The following POP1 variants were observed in gnomAD, a reference collection of about 807,000 sequenced individuals.
The protein encoded by POP1 is ribonucleases P/MRP protein subunit POP1.
Under a neutral mutation model 102.2 loss-of-function variants are expected in POP1, and 75 were observed. The ratio of observed to expected loss-of-function variants is 0.73; its 90% CI spans 0.61 to 0.89. The LOEUF is 0.89. POP1 is among the 40% of genes least tolerant of loss of function. The pLI, the probability that POP1 is intolerant of heterozygous loss-of-function variation, is 0.00. For synonymous variants in POP1, 436 were observed against 464.1 expected, an observed-to-expected ratio of 0.94 and a Z score of 0.78; for missense variants, 1,116 against 1,267.4, an observed-to-expected ratio of 0.88 and a Z score of 1.81.
intron 2 of POP1, among the ~76,000 whole-genome samples, chr8:98,125,679 T>C (rs971395666): frequency 4.6e-5 from 7 of 152,152 alleles, no homozygotes; most frequent in African/African-American, 1.7e-4. Context: ...TAGCTGGGAC[T>C]ACAGTCACAT....
chr8:98,140,923 T>A (rs1456694645), intron 11 of POP1, 35 bp downstream of exon 11: 1 of 1,607,662 alleles, frequency 6.2e-7, no homozygotes, highest in South Asian at 1.1e-5. Context: ...TTTTCCTTAC[T>A]ATTTCGAGCA....
At chr8:98,128,688 G>A (rs998758601) in intron 4 of POP1, 148 bp downstream of exon 4, 9 of 914,464 alleles carry the variant, frequency 9.8e-6, no homozygotes, top group Admixed American at 8.4e-5. Context: ...AGAGGCTGAG[G>A]TGGTCAGATT....
chr8:98,135,550 G>T (rs1008943246), intron 7 of POP1, among the ~76,000 whole-genome samples: 44 of 151,914 alleles, frequency 2.9e-4, no homozygotes, highest in Non-Finnish European at 5.9e-5. Flanking sequence ...TGATCATGTT[G>T]TTTTCATAAT....
chr8:98,122,230 C>T (rs1816051441), intron 1 of POP1, among the ~76,000 whole-genome samples: 1 of 152,138 alleles, frequency 6.6e-6, no homozygotes, highest in Non-Finnish European at 1.5e-5. Context: ...GGGTAGTTTA[C>T]TAAGGAGTGT....
At chr8:98,135,575 A>G (rs1201493884) in intron 7 of POP1, among the ~76,000 whole-genome samples, 1 of 152,040 alleles carries the variant, frequency 6.6e-6, no homozygotes. Flanking sequence ...GACTAACCCT[A>G]CCCCTAGCCC....
intron 10 of POP1, 32 bp downstream of exon 10, chr8:98,140,221 G>C (rs542228305): frequency 1.3e-6 from 2 of 1,591,634 alleles, no homozygotes; most frequent in East Asian, 2.2e-5. Context: ...TTGTGTTGGG[G>C]AGGGAAGGGG....
At position 98,130,225 on chromosome 8, in the gene POP1, A is replaced by T. The variant is rs761289283; in HGVS notation, c.734A>T (p.Gln245Leu). ...GCCATGACGAACCGGTGCCTCCTGC[A>T]GGTGAGCTTTTCCAGTGGGCTTTTT... ...YRAMTNRCLL[Q>L]DLSYYCCLEL... Residue 245 changes from glutamine to leucine, a missense_variant and splice_region_variant, in exon 5 of 16, where the codon CAG (glutamine) becomes CTG (leucine). Coordinates refer to ENST00000401707, the MANE Select transcript of POP1 (RefSeq NM_001145860.2). 38 of 1,614,082 alleles carry T rather than the reference A, an allele frequency of 2.4e-5. No individual in the cohort carries two copies. The highest frequency in any genetic ancestry group is 1.6e-4 in the Middle Eastern group (1 of 6,084).
rs892854550 is a variant in POP1 at position 98,156,827 on chromosome 8, A to G, written c.2420+415A>G. ...AGCCAGAGAGGCTACCGGATACACT[A>G]TGTTCTCCTCTCAGTATTGGTGTGG... On this transcript the variant is annotated intron_variant, in intron 15 of 15. Coordinates refer to ENST00000401707, the MANE Select transcript of POP1 (RefSeq NM_001145860.2). Among the ~76,000 whole-genome samples the G allele has an allele frequency of 2.6e-5, 4 of 151,390 alleles. No individual in the cohort carries two copies. In the South Asian group the frequency reaches 6.3e-4, roughly 24 times the overall value.
At chr8:98,157,486 TA>T in intron 15 of POP1, 130 bp from the exon 16 acceptor site, 1 of 1,093,944 alleles carries the variant, frequency 9.1e-7, no homozygotes, top group Non-Finnish European at 1.3e-6. Flanking sequence ...TTCTAATTTT[TA>T]AAAAATTGTA....
chr8:98,148,595 T>C (rs1034153330), intron 12 of POP1, among the ~76,000 whole-genome samples: 5 of 152,226 alleles, frequency 3.3e-5, no homozygotes, highest in Non-Finnish European at 2.9e-5. Flanking sequence ...ATGAATGATA[T>C]AAGATAATTT....
At chr8:98,130,953 A>G (rs749826526) in intron 5 of POP1, among the ~76,000 whole-genome samples, 3 of 152,188 alleles carry the variant, frequency 2.0e-5, no homozygotes, top group African/African-American at 4.8e-5. Context: ...ATTTCTTCCA[A>G]TACATACTTA....
chr8:98,133,886 C>A, intron 5 of POP1, 63 bp from the exon 6 acceptor site: 1 of 1,240,996 alleles, frequency 8.1e-7, no homozygotes, highest in Non-Finnish European at 1.2e-6. Flanking sequence ...CGGCTTTTGG[C>A]TTCTTAGCAG....
chr8:98,154,584 G>T (rs377137920), intron 14 of POP1, among the ~76,000 whole-genome samples: 6 of 152,200 alleles, frequency 3.9e-5, no homozygotes, highest in African/African-American at 1.4e-4. Context: ...CATGCGAAGT[G>T]AGGGTGGGAA....
At chr8:98,127,522 A>G (rs1816243105) in intron 2 of POP1, 73 bp from the exon 3 acceptor site, 2 of 1,576,998 alleles carry the variant, frequency 1.3e-6, no homozygotes, top group Non-Finnish European at 8.7e-7. Context: ...GTTGCCACCC[A>G]ACAAATATTA....
At chr8:98,148,108 C>A (rs1007851371) in intron 12 of POP1, among the ~76,000 whole-genome samples, 4 of 152,016 alleles carry the variant, frequency 2.6e-5, no homozygotes, top group African/African-American at 9.7e-5. Flanking sequence ...GAGGAAAAGT[C>A]GGGGCTAAAG....
chr8:98,143,834 T>C lies in POP1; in HGVS notation c.1595-2734T>C, dbSNP rs1473664070. 2.6e-5 allele frequency among the ~76,000 whole-genome samples: 4 copies of C among 152,232 alleles called. No individual in the cohort carries two copies. The East Asian group carries it at 7.7e-4, about 29-fold the overall frequency. On this transcript the variant is annotated intron_variant, in intron 11 of 15. Coordinates refer to ENST00000401707, the MANE Select transcript of POP1 (RefSeq NM_001145860.2). Reference sequence around the variant, plus strand: ...TACATAGCCTTTTCAGATAGGCTTCTTTCACTTAGTAATATGCACTTAAAT... The same window carrying C: ...TACATAGCCTTTTCAGATAGGCTTCCTTCACTTAGTAATATGCACTTAAAT...
rs775547789 is a variant in POP1 at position 98,157,880 on chromosome 8, C to T, written c.2684C>T (p.Pro895Leu). The T allele has an allele frequency of 6.2e-7, 1 of 1,614,096 alleles. No homozygotes were observed. The highest frequency in any genetic ancestry group is 1.1e-5 in the South Asian group (1 of 91,090). Residue 895 changes from proline to leucine, a missense_variant, in exon 16 of 16, where the codon CCC becomes CTC. Coordinates refer to ENST00000401707, the MANE Select transcript of POP1 (RefSeq NM_001145860.2). ...CATGAGGACTGGCATTACTGTGGGC[C>T]CCAGGAATCCAAACACAGTGACCCA... Reference protein sequence around the residue: ...QLHEDWHYCGPQESKHSDPFR... With the variant: ...QLHEDWHYCGLQESKHSDPFR...
chr8:98,151,359 G>A (rs930661400), intron 14 of POP1, among the ~76,000 whole-genome samples: 4 of 152,220 alleles, frequency 2.6e-5, no homozygotes, highest in African/African-American at 9.6e-5. Flanking sequence ...AGGATTATAG[G>A]TGTGAGCCAC....
At chr8:98,124,137 A>C (rs1816122127) in intron 2 of POP1, among the ~76,000 whole-genome samples, 1 of 152,212 alleles carries the variant, frequency 6.6e-6, no homozygotes, top group Non-Finnish European at 1.5e-5. Context: ...AGGAAGCTCC[A>C]GCTCTCCTGG....
Sources: gnomAD v4.1 joint callset for allele counts (sites outside exome capture counted in the v4.1 genomes callset) on GRCh38, gnomAD v4.1.1 for gene constraint, MANE v1.5 for transcripts, NCBI Gene and HGNC (gene_info 2026-07-23, HGNC 2026-07-21) for gene names.